Variants in PTPRD observed in about 807,000 individuals in gnomAD.
The protein encoded by PTPRD is protein tyrosine phosphatase receptor type D.
Under a neutral mutation model 214.5 loss-of-function variants are expected in PTPRD, and 34 were observed. That is an observed-to-expected ratio of 0.16 (90% confidence interval 0.12 to 0.21). The LOEUF (loss-of-function observed/expected upper bound fraction) is 0.21. Among genes scored for constraint, PTPRD ranks in the 10% least tolerant of loss-of-function variants. The pLI is 1.00. For synonymous variants in PTPRD, 1,128 were observed against 845.7 expected, an observed-to-expected ratio of 1.33 and a Z score of -5.79; for missense variants, 2,545 against 2,398.7, an observed-to-expected ratio of 1.06 and a Z score of -1.27.
intron 5 of PTPRD, chr9:9,799,553 A>G (rs2099025240): frequency 6.6e-6 from 1 of 152,222 alleles, no homozygotes; most frequent in African/African-American, 2.4e-5. Flanking sequence ...GATAAGGAAG[A>G]GTCATAACCT....
At chr9:9,540,426 TTACAGTGATG>T (rs1333337692) in intron 8 of PTPRD, among the ~76,000 whole-genome samples, 1 of 151,704 alleles carries the variant, frequency 6.6e-6, no homozygotes, top group Non-Finnish European at 1.5e-5. Context: ...TACAGACAGA[TTACAGTGATG>T]TACAATGTAC....
chr9:8,778,960 G>C (rs931918497), intron 11 of PTPRD, among the ~76,000 whole-genome samples: 1 of 151,770 alleles, frequency 6.6e-6, no homozygotes, highest in Non-Finnish European at 1.5e-5. Context: ...GTGTTAAAAA[G>C]CAACACAATG....
At chr9:8,386,301 A>T (rs2087008325) in intron 37 of PTPRD, among the ~76,000 whole-genome samples, 2 of 152,160 alleles carry the variant, frequency 1.3e-5, no homozygotes, top group Admixed American at 1.3e-4. Flanking sequence ...ATCCCCATGC[A>T]GTCCTGCGTA....
rs542505162 is a variant in PTPRD, at chr9:8,456,688, G to T, written c.3875+3723C>A. 5.3e-5 allele frequency among the ~76,000 whole-genome samples: 8 copies of T among 152,236 alleles called. No homozygotes were observed. In the South Asian group the frequency reaches 1.5e-3, roughly 28 times the overall value. ...AGAGCCAGTGTTGGAGCAGGAAAAG[G>T]CTGGAAAAACTGAAGCCTACATTTC... On this transcript the variant is annotated intron_variant, in intron 33 of 45. Coordinates refer to ENST00000381196, the MANE Select transcript of PTPRD (RefSeq NM_002839.4).
chr9:8,741,203 G>T (rs2091839228), intron 11 of PTPRD, among the ~76,000 whole-genome samples: 1 of 149,312 alleles, frequency 6.7e-6, no homozygotes, highest in Non-Finnish European at 1.5e-5. Flanking sequence ...GAAATGAACA[G>T]ATAGAAAGGA....
At chr9:10,238,887 T>C (rs1488283993) in intron 3 of PTPRD, among the ~76,000 whole-genome samples, 3 of 151,948 alleles carry the variant, frequency 2.0e-5, no homozygotes, top group Non-Finnish European at 4.4e-5. Context: ...GGGGAGATTT[T>C]GAAAACCTGG....
chr9:9,719,818 C>T (rs570497329), intron 7 of PTPRD, among the ~76,000 whole-genome samples: 3 of 152,294 alleles, frequency 2.0e-5, no homozygotes, highest in South Asian at 2.1e-4. Flanking sequence ...TCCCCTCATC[C>T]GGACATTGGT....
At chr9:8,498,295 G>A (rs1407107045) in intron 25 of PTPRD, among the ~76,000 whole-genome samples, 1 of 151,894 alleles carries the variant, frequency 6.6e-6, no homozygotes, top group Non-Finnish European at 1.5e-5. Flanking sequence ...TTTATTTTTT[G>A]AGATGCAATC....
intron 10 of PTPRD, among the ~76,000 whole-genome samples, chr9:9,019,324 GAAAGAAAGAAAGAACGAAAGAAAGA>G (rs2099552552): frequency 1.6e-5 from 1 of 61,934 alleles, no homozygotes; most frequent in African/African-American, 6.3e-5. Flanking sequence ...AAGAAAGAAA[GAAAGAAAGAAAGAACGAAAGAAAGA>G]AAGAAAGAAA....
intron 12 of PTPRD, among the ~76,000 whole-genome samples, chr9:8,642,451 G>C (rs531139116): frequency 6.6e-6 from 1 of 152,184 alleles, no homozygotes; most frequent in Admixed American, 6.5e-5. Flanking sequence ...GAGACAGGGA[G>C]AGAATGTTCA....
intron 43 of PTPRD, among the ~76,000 whole-genome samples, chr9:8,334,957 C>A (rs1845140649): frequency 6.7e-6 from 1 of 150,278 alleles, no homozygotes; most frequent in East Asian, 1.9e-4. Flanking sequence ...CAAGACTAAA[C>A]CAGGAAGAAG....
At chr9:10,388,723 A>G (rs1326457342) in intron 2 of PTPRD, among the ~76,000 whole-genome samples, 1 of 151,878 alleles carries the variant, frequency 6.6e-6, no homozygotes, top group Non-Finnish European at 1.5e-5. Context: ...CTGTGACCTT[A>G]GTCATGTCAC....
At chr9:9,116,309 C>A (rs555577104) in intron 10 of PTPRD, among the ~76,000 whole-genome samples, 1 of 152,186 alleles carries the variant, frequency 6.6e-6, no homozygotes, top group African/African-American at 2.4e-5. Flanking sequence ...AAAATAATGT[C>A]TTTTGCAGCA....
intron 9 of PTPRD, among the ~76,000 whole-genome samples, chr9:9,250,364 T>C (rs749952542): frequency 7.2e-5 from 11 of 152,080 alleles, no homozygotes; most frequent in Non-Finnish European, 1.3e-4. Flanking sequence ...TAAATACTAA[T>C]ATCTGCCCTA....
chr9:9,021,652 C>G (rs944750222), intron 10 of PTPRD, among the ~76,000 whole-genome samples: 1 of 151,962 alleles, frequency 6.6e-6, no homozygotes, highest in African/African-American at 2.4e-5. Flanking sequence ...CCCTGAAGAT[C>G]TTCTAGTGGG....
rs539798941 is a variant in PTPRD at position 9,855,659 on chromosome 9, C to T, written c.-368+82848G>A. On this transcript the variant is annotated intron_variant, in intron 5 of 45. Transcript: ENST00000381196. ...AGCACTGGAACCAGCCAGCCGCTTC[C>T]GCACCTGCAGGAGTGAACTCCACCC... Among the ~76,000 whole-genome samples, 5 of 152,282 alleles carry T rather than the reference C, an allele frequency of 3.3e-5. No homozygotes were observed. In the South Asian group the frequency reaches 1.0e-3, roughly 32 times the overall value.
At chr9:9,973,763 C>CAG (rs2095245360) in intron 4 of PTPRD, among the ~76,000 whole-genome samples, 1 of 151,974 alleles carries the variant, frequency 6.6e-6, no homozygotes, top group Admixed American at 6.6e-5. Flanking sequence ...TTACTTGGCA[C>CAG]AGAGTAAGGA....
intron 41 of PTPRD, 66 bp downstream of exon 41, chr9:8,341,024 G>A (rs914021559): frequency 1.3e-5 from 19 of 1,410,334 alleles, no homozygotes; most frequent in Non-Finnish European, 1.8e-5. Context: ...AATTTATTCT[G>A]GTTATTAAAC....
chr9:9,145,543 A>C (rs1386181758), intron 10 of PTPRD, among the ~76,000 whole-genome samples: 9 of 152,168 alleles, frequency 5.9e-5, no homozygotes, highest in African/African-American at 2.2e-4. Flanking sequence ...TATAAACTAA[A>C]CTCTAACATA....
Sources: gnomAD v4.1 joint callset for allele counts (sites outside exome capture counted in the v4.1 genomes callset) on GRCh38, gnomAD v4.1.1 for gene constraint, MANE v1.5 for transcripts, NCBI Gene and HGNC (gene_info 2026-07-23, HGNC 2026-07-21) for gene names.